GLIS3: variants seen among roughly 807,000 people sequenced by gnomAD.
The protein encoded by GLIS3 is GLIS family zinc finger 3.
Under a neutral mutation model 78.6 loss-of-function variants are expected in GLIS3, and 53 were observed. The observed-to-expected ratio is 0.67, with a 90% confidence interval of 0.54 to 0.85. The LOEUF is 0.85. Ranked by LOEUF, GLIS3 falls within the 40% of genes least tolerant of loss-of-function variation. The pLI is 0.00. For synonymous variants in GLIS3, 684 were observed against 509.9 expected (o/e 1.34, Z -4.60); for missense variants, 1,703 against 1,231.1 (o/e 1.38, Z -5.74).
At chr9:4,443,051 G>A in the GLIS3 span, among the ~76,000 whole-genome samples, 2 of 152,100 alleles carry the variant, frequency 1.3e-5, no homozygotes, top group African/African-American at 4.8e-5. Context: ...GGATGTAGAG[G>A]CTCCAAGCAT....
chr9:4,333,585 T>A (rs951267070), intron 2 of GLIS3, among the ~76,000 whole-genome samples: 1 of 152,138 alleles, frequency 6.6e-6, no homozygotes, highest in Non-Finnish European at 1.5e-5. Context: ...CATGAAACAA[T>A]AGTTCAGAAA....
chr9:4,384,569 C>G, the GLIS3 span, among the ~76,000 whole-genome samples: 135 of 148,572 alleles, frequency 9.1e-4, no homozygotes, highest in African/African-American at 3.0e-3. Flanking sequence ...AACCTCTTTC[C>G]TTTATATATA....
chr9:4,443,986 A>G, the GLIS3 span, among the ~76,000 whole-genome samples: 2 of 152,284 alleles, frequency 1.3e-5, no homozygotes, highest in African/African-American at 4.8e-5. Context: ...AATACAGTCA[A>G]AGTCTCAGTT....
In GLIS3 at chr9:4,318,740, G is replaced by A. The variant is rs12346513; in HGVS notation, n.265-8212C>T. Among the ~76,000 whole-genome samples the A allele has an allele frequency of 1.8e-3, 276 of 152,268 alleles. 1 individual carries two copies. The highest frequency in any genetic ancestry group is 6.4e-3 in the African/African-American group (267 of 41,544). On this transcript the variant is annotated intron_variant and non_coding_transcript_variant, in intron 2 of 4. Transcript: ENST00000471664. ...TAAAAATCACAAACTTGCAGCCTCTGCAGTAATAACAGATGAAGATGACAG... is the reference window on the plus strand; with the variant it reads ...TAAAAATCACAAACTTGCAGCCTCTACAGTAATAACAGATGAAGATGACAG...
chr9:4,153,880 G>A (rs1235682133), intron 2 of GLIS3, among the ~76,000 whole-genome samples: 1 of 152,140 alleles, frequency 6.6e-6, no homozygotes, highest in Non-Finnish European at 1.5e-5. Context: ...TGGTTCTAGG[G>A]GTTGACTGGG....
intron 4 of GLIS3, among the ~76,000 whole-genome samples, chr9:4,080,720 C>G (rs1828485822): frequency 6.6e-6 from 1 of 152,070 alleles, no homozygotes; most frequent in Admixed American, 6.6e-5. Flanking sequence ...TGGCTGAAAA[C>G]TGAAATACTA....
At chr9:4,487,831 G>T in the GLIS3 span, among the ~76,000 whole-genome samples, 1 of 151,822 alleles carries the variant, frequency 6.6e-6, no homozygotes, top group Non-Finnish European at 1.5e-5. Context: ...GAGACTACAG[G>T]CATGTGCCAT....
chr9:4,365,635 C>G, the GLIS3 span, among the ~76,000 whole-genome samples: 1 of 152,152 alleles, frequency 6.6e-6, no homozygotes, highest in East Asian at 1.9e-4. Context: ...ATCACCCTGA[C>G]TTGCTCACTT....
chr9:3,858,795 G>C (rs756676008), intron 8 of GLIS3, among the ~76,000 whole-genome samples: 17 of 152,056 alleles, frequency 1.1e-4, no homozygotes. Context: ...ACAATTGCTA[G>C]GAACAAGGAA....
At chr9:4,036,224 T>C (rs956092472) in intron 4 of GLIS3, among the ~76,000 whole-genome samples, 4 of 152,208 alleles carry the variant, frequency 2.6e-5, no homozygotes, top group South Asian at 2.1e-4. Flanking sequence ...CATTTTGTTT[T>C]TGTTGTTTGT....
At chr9:4,268,570 T>G (rs1054824987) in intron 2 of GLIS3, among the ~76,000 whole-genome samples, 4 of 152,184 alleles carry the variant, frequency 2.6e-5, no homozygotes, top group African/African-American at 7.2e-5. Context: ...GTCCCATCAT[T>G]CTAGGCAATG....
the GLIS3 span, among the ~76,000 whole-genome samples, chr9:4,422,364 T>G: frequency 3.3e-5 from 5 of 152,196 alleles, no homozygotes; most frequent in African/African-American, 4.8e-5. Flanking sequence ...CTTAAATAAA[T>G]AATCTTACAA....
intron 2 of GLIS3, among the ~76,000 whole-genome samples, chr9:4,156,502 T>G (rs1301843678): frequency 6.6e-6 from 1 of 152,136 alleles, no homozygotes; most frequent in Admixed American, 6.6e-5. Flanking sequence ...GAAACAAAGG[T>G]GGGATCATCT....
At chr9:4,208,211 C>G (rs1820053007) in intron 2 of GLIS3, among the ~76,000 whole-genome samples, 2 of 152,200 alleles carry the variant, frequency 1.3e-5, no homozygotes, top group African/African-American at 4.8e-5. Context: ...TAAAATATGG[C>G]TTCTTTATAC....
chr9:4,268,662 T>C (rs563249664), intron 2 of GLIS3, among the ~76,000 whole-genome samples: 1 of 152,318 alleles, frequency 6.6e-6, no homozygotes, highest in South Asian at 2.1e-4. Context: ...TCATTATTGA[T>C]TGACACCCAC....
intron 2 of GLIS3, among the ~76,000 whole-genome samples, chr9:4,339,524 T>C (rs1487998519): frequency 6.6e-6 from 1 of 151,548 alleles, no homozygotes; most frequent in Non-Finnish European, 1.5e-5. Flanking sequence ...AGAGGCCAAA[T>C]AGGTGCAGAG....
At chr9:4,208,436 CAG>C (rs542472980) in intron 2 of GLIS3, among the ~76,000 whole-genome samples, 10 of 152,266 alleles carry the variant, frequency 6.6e-5, no homozygotes, top group African/African-American at 2.4e-4. Flanking sequence ...GAACAGCTTC[CAG>C]AGAGTGGTCT....
chr9:3,995,031 C>T (rs2129836845), intron 4 of GLIS3, among the ~76,000 whole-genome samples: 1 of 152,220 alleles, frequency 6.6e-6, no homozygotes, highest in Middle Eastern at 3.4e-3. Flanking sequence ...AAGTATGGGT[C>T]TAGATTTGGA....
chr9:4,417,630 G>A, the GLIS3 span, among the ~76,000 whole-genome samples: 38 of 152,250 alleles, frequency 2.5e-4, no homozygotes, highest in African/African-American at 3.6e-4. Flanking sequence ...TCTGTAGGGC[G>A]AATATCTTGT....
Sources: gnomAD v4.1 joint callset for allele counts (sites outside exome capture counted in the v4.1 genomes callset) on GRCh38, gnomAD v4.1.1 for gene constraint, MANE v1.5 for transcripts, NCBI Gene and HGNC (gene_info 2026-07-23, HGNC 2026-07-21) for gene names.